EPHA5: variants seen among roughly 807,000 people sequenced by gnomAD.
EPHA5 encodes EPH receptor A5, also known as ephrin type-A receptor 5.
In EPHA5, 60 loss-of-function variants were observed where a neutral mutation model predicts 105.0. The observed-to-expected ratio is 0.57, with a 90% CI of 0.46 to 0.71. EPHA5 has a LOEUF of 0.71. Among genes scored for constraint, EPHA5 ranks in the 30% least tolerant of loss-of-function variants. The pLI, the probability that EPHA5 is intolerant of heterozygous loss-of-function variation, is 0.00. For missense variants in EPHA5, 1,218 were observed against 1,274.7 expected, an observed-to-expected ratio of 0.96 and a Z score of 0.68; for synonymous variants, 513 against 449.1, an observed-to-expected ratio of 1.14 and a Z score of -1.80.
At chr4:65,418,678 G>A (rs1295144147) in intron 6 of EPHA5, among the ~76,000 whole-genome samples, 1 of 151,770 alleles carries the variant, frequency 6.6e-6, no homozygotes, top group Non-Finnish European at 1.5e-5. Context: ...ATCAATATAC[G>A]AACATTGTAG....
At chr4:65,554,981 CAAAAAAA>C (rs71205383) in intron 3 of EPHA5, among the ~76,000 whole-genome samples, 2 of 92,576 alleles carry the variant, frequency 2.2e-5, no homozygotes, top group Admixed American at 1.4e-4. Context: ...TATACAACAG[CAAAAAAA>C]AAAAAAAAAA....
chr4:65,454,055 C>T (rs1233169060), intron 5 of EPHA5, among the ~76,000 whole-genome samples: 2 of 151,998 alleles, frequency 1.3e-5, no homozygotes, highest in African/African-American at 2.4e-5. Flanking sequence ...CCAAGGCGGG[C>T]GGATCACCTG....
intron 8 of EPHA5, among the ~76,000 whole-genome samples, chr4:65,389,031 G>A (rs1181581200): frequency 6.6e-6 from 1 of 151,914 alleles, no homozygotes; most frequent in Non-Finnish European, 1.5e-5. Context: ...ATTCCTTGTT[G>A]GAGTTTTAGA....
chr4:65,548,922 T>C (rs561394781), intron 3 of EPHA5, among the ~76,000 whole-genome samples: 10 of 152,294 alleles, frequency 6.6e-5, no homozygotes, highest in African/African-American at 2.4e-4. Flanking sequence ...AAATGTTAAT[T>C]GTCTGGCTAG....
intron 2 of EPHA5, among the ~76,000 whole-genome samples, chr4:65,632,101 A>G (rs1560797805): frequency 6.6e-6 from 1 of 152,058 alleles, no homozygotes; most frequent in African/African-American, 2.4e-5. Flanking sequence ...TATTATACAT[A>G]ATGTATAGAT....
chr4:65,354,351 T>A (rs962512466), intron 11 of EPHA5, among the ~76,000 whole-genome samples: 2 of 151,704 alleles, frequency 1.3e-5, no homozygotes, highest in African/African-American at 2.4e-5. Flanking sequence ...AAGATGAAAA[T>A]TGCAAGATAA....
chr4:65,656,034 C>G (rs1189571089), intron 1 of EPHA5, among the ~76,000 whole-genome samples: 1 of 142,838 alleles, frequency 7.0e-6, no homozygotes, highest in Admixed American at 7.4e-5. Context: ...AAAAGGGAGA[C>G]AAGAAAACAG....
chr4:65,362,906 T>C (rs1717470617), intron 11 of EPHA5, among the ~76,000 whole-genome samples: 1 of 151,696 alleles, frequency 6.6e-6, no homozygotes, highest in Non-Finnish European at 1.5e-5. Flanking sequence ...AGAGACAAAA[T>C]TAAGTGAGAT....
intron 3 of EPHA5, among the ~76,000 whole-genome samples, chr4:65,569,539 T>C (rs563367756): frequency 5.3e-5 from 8 of 151,814 alleles, no homozygotes; most frequent in Non-Finnish European, 1.2e-4. Flanking sequence ...CTGAGTCAAC[T>C]TGAATCTGGA....
At chr4:65,621,376 T>C (rs928166476) in intron 2 of EPHA5, among the ~76,000 whole-genome samples, 9 of 152,274 alleles carry the variant, frequency 5.9e-5, no homozygotes, top group African/African-American at 1.9e-4. Flanking sequence ...ACTACAATCC[T>C]TTTGAATATG....
intron 5 of EPHA5, among the ~76,000 whole-genome samples, chr4:65,427,184 TC>T (rs1461182611): frequency 1.7e-4 from 11 of 63,996 alleles, no homozygotes; most frequent in African/African-American, 4.3e-4. Flanking sequence ...TCGAGTGTAT[TC>T]TTTTTTTTTT....
intron 5 of EPHA5, among the ~76,000 whole-genome samples, chr4:65,480,537 A>G (rs1730254081): frequency 6.6e-6 from 1 of 152,148 alleles, no homozygotes; most frequent in Admixed American, 6.5e-5. Context: ...AAAGTGAAGG[A>G]AAAAAACATG....
chr4:65,448,997 G>T (rs1726826000), intron 5 of EPHA5, among the ~76,000 whole-genome samples: 1 of 151,764 alleles, frequency 6.6e-6, no homozygotes. Flanking sequence ...AATTGACAAG[G>T]TACAAATCAC....
intron 6 of EPHA5, among the ~76,000 whole-genome samples, chr4:65,415,807 AT>A (rs1219442805): frequency 1.3e-5 from 2 of 152,042 alleles, no homozygotes; most frequent in African/African-American, 4.8e-5. Context: ...CTCTTCCATT[AT>A]CCACTCTATT....
At chr4:65,581,700 C>T (rs974356990) in intron 3 of EPHA5, among the ~76,000 whole-genome samples, 16 of 151,654 alleles carry the variant, frequency 1.1e-4, no homozygotes, top group Admixed American at 7.2e-4. Flanking sequence ...ATGTCTTCAG[C>T]GCACTTTACT....
chr4:65,639,171 C>A (rs1747419715), intron 2 of EPHA5, among the ~76,000 whole-genome samples: 1 of 151,922 alleles, frequency 6.6e-6, no homozygotes, highest in East Asian at 1.9e-4. Flanking sequence ...ATGAAGTAGA[C>A]AGAATAAAAG....
chr4:65,470,788 TG>T (rs1440953220), intron 5 of EPHA5, among the ~76,000 whole-genome samples: 2 of 152,212 alleles, frequency 1.3e-5, no homozygotes, highest in Non-Finnish European at 2.9e-5. Context: ...CACTAATATT[TG>T]CAGTCCTGTT....
chr4:65,360,990 TG>T (rs1465569929), intron 11 of EPHA5, among the ~76,000 whole-genome samples: 1 of 151,696 alleles, frequency 6.6e-6, no homozygotes, highest in Non-Finnish European at 1.5e-5. Flanking sequence ...GAAATGCCAC[TG>T]GTATTTAGAC....
rs1003632234 is a variant in EPHA5, at chr4:65,669,724, G to T, written c.19C>A (p.Arg7=). The change falls in exon 1 of 17, where the codon CGG becomes AGG. Residue 7 remains arginine (R), a synonymous_variant. Transcript: ENST00000613740. MRGSGP[R]GAGRRRPPSG... is the part of the protein sequence containing the mutation. ...GGGGGCCGCCGGCGTCCCGCACCCC[G>T]GGGCCCCGAGCCCCGCATCTTCTCC... 4.7e-6 allele frequency: 6 copies of T among 1,269,984 alleles called. No homozygotes were observed. The highest frequency in any genetic ancestry group is 5.0e-6 in the Non-Finnish European group (5 of 1,006,652). The allele number at this position is 1,269,984 out of a possible 1,614,324, so 78.7% of individuals were successfully genotyped here.
Sources: allele counts gnomAD v4.1 joint callset (sites outside exome capture counted in the v4.1 genomes callset), GRCh38; gene constraint gnomAD v4.1.1; transcripts MANE v1.5; gene names NCBI Gene and HGNC (gene_info 2026-07-23, HGNC 2026-07-21).